CD2AP: variants seen among roughly 807,000 people sequenced by gnomAD.
CD2AP encodes the protein CD2-associated protein.
CD2AP carries 46 observed loss-of-function variants against 85.1 expected under a neutral mutation model. That is an observed-to-expected ratio of 0.54 (90% CI 0.43 to 0.69). The LOEUF (loss-of-function observed/expected upper bound fraction) is 0.69. Ranked by LOEUF, CD2AP falls within the 30% of genes least tolerant of loss-of-function variation. The pLI is 0.00. For missense variants in CD2AP, 769 were observed against 729.5 expected (o/e 1.05, Z -0.62); for synonymous variants, 255 against 252.9 (o/e 1.01, Z -0.08).
intron 5 of CD2AP, among the ~76,000 whole-genome samples, chr6:47,561,937 T>G (rs1007351538): frequency 6.6e-6 from 1 of 151,992 alleles, no homozygotes; most frequent in Non-Finnish European, 1.5e-5. Flanking sequence ...CCCAGCTAAT[T>G]TTTTTGTATT....
chr6:47,478,681 G>A (rs956809733), intron 1 of CD2AP, among the ~76,000 whole-genome samples: 1 of 152,198 alleles, frequency 6.6e-6, no homozygotes, highest in Non-Finnish European at 1.5e-5. Flanking sequence ...TTTTCTGCGA[G>A]GCTTTGAATA....
chr6:47,505,626 A>C (rs890745799), intron 2 of CD2AP, among the ~76,000 whole-genome samples: 9 of 74,704 alleles, frequency 1.2e-4, no homozygotes, highest in East Asian at 3.3e-4. Context: ...GGGGGGGCTG[A>C]CCCCCCCCAC....
intron 1 of CD2AP, among the ~76,000 whole-genome samples, chr6:47,484,514 A>G (rs1765519843): frequency 6.6e-6 from 1 of 152,212 alleles, no homozygotes; most frequent in African/African-American, 2.4e-5. Flanking sequence ...AGAATAAACA[A>G]TGCTTTTAAA....
intron 1 of CD2AP, among the ~76,000 whole-genome samples, chr6:47,496,908 A>G (rs1171667728): frequency 1.3e-5 from 2 of 152,194 alleles, no homozygotes; most frequent in Non-Finnish European, 2.9e-5. Context: ...TTTTCTAGCA[A>G]CTAATAGTGT....
At chr6:47,489,967 CTT>C (rs71684059) in intron 1 of CD2AP, among the ~76,000 whole-genome samples, 4 of 121,692 alleles carry the variant, frequency 3.3e-5, no homozygotes, top group Admixed American at 8.6e-5. Flanking sequence ...TCTAAAGAGA[CTT>C]TTTTTTTTTT....
In CD2AP at chr6:47,527,820, A is replaced by G. The variant is rs576014538; in HGVS notation, c.166-5782A>G. On this transcript the variant is annotated intron_variant, in intron 2 of 17. Transcript: ENST00000359314. ...GGATTTCATTATTTTTGAAAGTGAC[A>G]AGGTTTAGTTTTCTACCCAGAGTTA... 1.5e-4 allele frequency among the ~76,000 whole-genome samples: 23 copies of G among 152,232 alleles called. No homozygotes were observed. The South Asian group carries it at 3.9e-3, about 26-fold the overall frequency.
intron 17 of CD2AP, 148 bp downstream of exon 17, chr6:47,612,684 A>G (rs981864303): frequency 1.5e-6 from 1 of 660,164 alleles, no homozygotes; most frequent in Non-Finnish European, 2.8e-6. Context: ...CAGTCACAAA[A>G]AAAGAATGAG....
At position 47,610,971 on chromosome 6, in the gene CD2AP, A is replaced by ATATATATATATTTTTT; in HGVS notation, c.1815-1501_1815-1500insATATATATATTTTTTT. Among the ~76,000 whole-genome samples, 4 of 112,908 alleles carry ATATATATATATTTTTT rather than the reference A, an allele frequency of 3.5e-5. 1 individual carries two copies. Among genetic ancestry groups the ATATATATATATTTTTT allele is most frequent in the African/African-American group, 1.4e-4 (4 of 27,814 alleles). The allele number at this position is 112,908 out of a possible 152,430, so 74.1% of individuals were successfully genotyped here. ...GATTTATATATATATATATATATGTATTTTTTTTTTTTTTTGAATATAAAA... is the reference window on the plus strand; with the variant it reads ...GATTTATATATATATATATATATGTATATATATATATTTTTTTTTTTTTTTTTTTTTGAATATAAAA... On this transcript the variant is annotated intron_variant, in intron 16 of 17. Coordinates refer to ENST00000359314, the MANE Select transcript of CD2AP (RefSeq NM_012120.3).
chr6:47,585,260 G>T (rs1192134457), intron 11 of CD2AP, among the ~76,000 whole-genome samples: 2 of 151,070 alleles, frequency 1.3e-5, no homozygotes, highest in Non-Finnish European at 2.9e-5. Flanking sequence ...CCGATATTGC[G>T]CCACTGCACT....
chr6:47,561,244 AC>A (rs1253841186), intron 5 of CD2AP, among the ~76,000 whole-genome samples: 1 of 151,930 alleles, frequency 6.6e-6, no homozygotes, highest in Non-Finnish European at 1.5e-5. Context: ...CATTTCCATC[AC>A]CCCCAAAATA....
At chr6:47,549,862 A>G (rs754684139) in intron 4 of CD2AP, among the ~76,000 whole-genome samples, 1 of 152,220 alleles carries the variant, frequency 6.6e-6, no homozygotes, top group African/African-American at 2.4e-5. Context: ...AAAAATAGGC[A>G]TATTGACCAA....
At chr6:47,526,714 A>G (rs565798514) in intron 2 of CD2AP, among the ~76,000 whole-genome samples, 1 of 152,262 alleles carries the variant, frequency 6.6e-6, no homozygotes, top group South Asian at 2.1e-4. Context: ...GATTGGAGTT[A>G]CTTTCAAGAG....
At chr6:47,482,015 C>A (rs1765458183) in intron 1 of CD2AP, among the ~76,000 whole-genome samples, 1 of 152,170 alleles carries the variant, frequency 6.6e-6, no homozygotes, top group South Asian at 2.1e-4. Flanking sequence ...CCTGCTTTGG[C>A]CTCCCAAAGT....
At chr6:47,505,790 C>A (rs1242321184) in intron 2 of CD2AP, among the ~76,000 whole-genome samples, 1 of 96,092 alleles carries the variant, frequency 1.0e-5, no homozygotes, top group African/African-American at 4.3e-5. Flanking sequence ...GGCGGCTGGC[C>A]GGGCGGGGGG....
At chr6:47,598,400 G>A (rs1385868388) in intron 12 of CD2AP, among the ~76,000 whole-genome samples, 4 of 150,990 alleles carry the variant, frequency 2.6e-5, no homozygotes, top group Non-Finnish European at 5.9e-5. Context: ...CCACTACTGG[G>A]TATCTACCCA....
intron 5 of CD2AP, among the ~76,000 whole-genome samples, chr6:47,562,440 T>A (rs968439317): frequency 6.6e-6 from 1 of 152,206 alleles, no homozygotes; most frequent in Non-Finnish European, 1.5e-5. Flanking sequence ...GAGGAAAAAT[T>A]GCTGGTATAA....
intron 3 of CD2AP, among the ~76,000 whole-genome samples, chr6:47,538,777 T>G (rs1767121964): frequency 6.6e-6 from 1 of 152,178 alleles, no homozygotes; most frequent in Non-Finnish European, 1.5e-5. Flanking sequence ...TTTCATAATT[T>G]AAGAGCTTTG....
In CD2AP at chr6:47,478,022, A is replaced by G; in HGVS notation, c.-223A>G. 3.3e-6 allele frequency: 2 copies of G among 612,326 alleles called. No individual in the cohort carries two copies. Among genetic ancestry groups the G allele is most frequent in the Non-Finnish European group, 2.9e-6 (1 of 347,336 alleles). 37.9% of individuals were successfully genotyped at this position (612,326 alleles called of 1,614,324 possible). A position where few individuals can be genotyped will look rare whatever the true frequency, so the allele number is the denominator to read the frequency against. ...GTGGCTCCTGGGGAGGCCAGGGGTG[A>G]GGAGCTGTCGCCGCCTTTGCCTCTG... is the stretch of plus-strand genomic sequence containing the variant. On this transcript the variant is annotated 5_prime_UTR_variant, in exon 1 of 18. Coordinates refer to ENST00000359314, the MANE Select transcript of CD2AP (RefSeq NM_012120.3).
intron 9 of CD2AP, chr6:47,579,736 T>C: frequency 2.4e-6 from 1 of 411,294 alleles, no homozygotes; most frequent in Non-Finnish European, 4.4e-6. Context: ...TTTTATAATT[T>C]AAGAAGGGCT....
Sources: allele counts gnomAD v4.1 joint callset (sites outside exome capture counted in the v4.1 genomes callset), GRCh38; gene constraint gnomAD v4.1.1; transcripts MANE v1.5; gene names NCBI Gene and HGNC (gene_info 2026-07-23, HGNC 2026-07-21).